Variants in UTP15 observed in about 807,000 individuals in gnomAD.
UTP15 encodes the protein U3 small nucleolar RNA-associated protein 15 homolog.
A neutral mutation model predicts 59.1 loss-of-function variants in UTP15; 5 were observed. The ratio of observed to expected loss-of-function variants is 0.08; its 90% CI spans 0.04 to 0.18. The LOEUF is 0.18. Ranked by LOEUF, UTP15 falls within the 10% of genes least tolerant of loss-of-function variation. The probability of loss-of-function intolerance (pLI) is 1.00; values close to 1 mark genes in which losing one functional copy is unlikely to be tolerated. For synonymous variants in UTP15, 211 were observed against 212.2 expected, an observed-to-expected ratio of 0.99 and a Z score of 0.05; for missense variants, 494 against 616.7, an observed-to-expected ratio of 0.80 and a Z score of 2.11.
intron 5 of UTP15, 43 bp downstream of exon 5, chr5:73,569,718 G>A: frequency 6.8e-7 from 1 of 1,475,570 alleles, no homozygotes; most frequent in Non-Finnish European, 9.0e-7. Context: ...AATCTCACGG[G>A]GATGTACTTT....
At chr5:73,567,701 C>A (rs1747820739) in intron 2 of UTP15, 1 of 258,630 alleles carries the variant, frequency 3.9e-6, no homozygotes, top group African/African-American at 2.2e-5. Context: ...AAATTTGAAT[C>A]TCATATGTGT....
At position 73,571,838 on chromosome 5, in the gene UTP15, T is replaced by C. The variant is rs138819000; in HGVS notation, c.674-651T>C. Among the ~76,000 whole-genome samples the C allele has an allele frequency of 1.2e-3, 188 of 152,336 alleles. 1 individual carries two copies. The highest frequency in any genetic ancestry group is 4.5e-3 in the African/African-American group (186 of 41,572). ...GTGTCTACTTTTCTTGCTGTTATTC[T>C]GACAAATGGAAAAAATATCATGTTG... On this transcript the variant is annotated intron_variant, in intron 6 of 12. Transcript: ENST00000296792.
chr5:73,576,446 C>T lies in UTP15; in HGVS notation c.810-506C>T, dbSNP rs143531370. Among the ~76,000 whole-genome samples, 660 of 149,610 alleles carry T rather than the reference C, an allele frequency of 4.4e-3. 3 individuals are homozygous for T. The highest frequency in any genetic ancestry group is 7.8e-3 in the Non-Finnish European group (525 of 67,584). On this transcript the variant is annotated intron_variant, in intron 7 of 12. Transcript: ENST00000296792. ...TAAGTGGCTAGTCAAAGTTTTTATA[C>T]GGATGTTATAGTTAGGGCTGGTATA... is the stretch of plus-strand genomic sequence containing the variant.
chr5:73,581,421 A>G lies in UTP15; in HGVS notation c.*1327A>G, dbSNP rs1041874309. On this transcript the variant is annotated 3_prime_UTR_variant, in exon 13 of 13. Coordinates refer to ENST00000296792, the MANE Select transcript of UTP15 (RefSeq NM_032175.4). ...TTTTTGATGTATCTGTTCCTGATAG[A>G]TAATCATTGGCTAGTAACTCCTAGT... 6.6e-6 allele frequency: 1 copy of G among 152,146 alleles called. No individual in the cohort carries two copies. 9.4% of individuals were successfully genotyped at this position (152,146 alleles called of 1,614,324 possible). A position where few individuals can be genotyped will look rare whatever the true frequency, so the allele number is the denominator to read the frequency against.
chr5:73,580,028 G>T lies in UTP15; in HGVS notation c.1491G>T (p.Lys497Asn), dbSNP rs1433734903. ...TGCTTTTTGCCACCATGAGAAGGAA[G>T]GAAGGCACTTCTGTGTTGGAACACA... ...MDMLFATMRR[K>N]EGTSVLEHTS... The change falls in exon 13 of 13, where the codon AAG becomes AAT. Residue 497 changes from lysine to asparagine, a missense_variant. Coordinates refer to ENST00000296792, the MANE Select transcript of UTP15 (RefSeq NM_032175.4). 6.2e-7 allele frequency: 1 copy of T among 1,613,872 alleles called. No individual in the cohort carries two copies. The highest frequency in any genetic ancestry group is 1.1e-5 in the South Asian group (1 of 91,068).
chr5:73,577,989 A>C lies in UTP15; in HGVS notation c.1028A>C (p.Asn343Thr). Reference sequence around the variant, plus strand: ...TATCGAACCTTTATTAAAGGAAAAAATTACATGAAGCAACGGGTATTTGTG... The same window carrying C: ...TATCGAACCTTTATTAAAGGAAAAACTTACATGAAGCAACGGGTATTTGTG... ...PAYRTFIKGKNYMKQRDDILI... is the reference protein window; with the variant it reads ...PAYRTFIKGKTYMKQRDDILI... The change falls in exon 9 of 13, where the codon AAT (asparagine) becomes ACT (threonine). Residue 343 changes from asparagine (N) to threonine (T), a missense_variant. Coordinates refer to ENST00000296792, the MANE Select transcript of UTP15 (RefSeq NM_032175.4). 6.3e-7 allele frequency: 1 copy of C among 1,581,304 alleles called. No individual in the cohort carries two copies. The highest frequency in any genetic ancestry group is 8.5e-7 in the Non-Finnish European group (1 of 1,171,060).
At chr5:73,578,415 T>G (rs1748164530) in intron 9 of UTP15, 2 of 283,914 alleles carry the variant, frequency 7.0e-6, no homozygotes, top group South Asian at 4.8e-5. Context: ...TATCTCTGAT[T>G]GTTGTTTGAT....
At position 73,570,686 on chromosome 5, in the gene UTP15, C is replaced by T. The variant is rs547966774; in HGVS notation, c.648C>T (p.Pro216=). 4 of 1,614,186 alleles carry T rather than the reference C, an allele frequency of 2.5e-6. No individual in the cohort carries two copies. The African/African-American group carries it at 5.3e-5, about 22-fold the overall frequency. The change falls in exon 6 of 13, where the codon CCC becomes CCT. Residue 216 remains proline (P), a synonymous_variant. Transcript: ENST00000296792. ...GQPVESVLLF[P]SGGLLVSAGG... is the part of the protein sequence containing the mutation. ...CAGTGGAGAGTGTCCTACTTTTCCC[C>T]TCTGGAGGTCTTCTGGTGTCAGCAG...
intron 5 of UTP15, among the ~76,000 whole-genome samples, chr5:73,570,074 CACCT>C (rs775824830): frequency 3.5e-4 from 53 of 152,296 alleles, no homozygotes; most frequent in Non-Finnish European, 5.9e-4. Context: ...TCAAGTGATC[CACCT>C]ACCTCAATTT....
chr5:73,579,728 T>C (rs1413419476), intron 12 of UTP15, 149 bp from the exon 13 acceptor site: 9 of 488,676 alleles, frequency 1.8e-5, no homozygotes, highest in African/African-American at 4.0e-5. Flanking sequence ...ATTGTTATAC[T>C]TTCTATAAAT....
rs372847214 is a variant in UTP15 at position 73,579,074 on chromosome 5, C to G, written c.1204C>G (p.Arg402Gly). ...ITVSIIKELN[R>G]RGVLANALAG... Reference sequence around the variant, plus strand: ...GGTGTCCATCATAAAGGAGTTAAATCGAAGAGGAGTCCTTGCAAATGCGCT... The same window carrying G: ...GGTGTCCATCATAAAGGAGTTAAATGGAAGAGGAGTCCTTGCAAATGCGCT... Residue 402 changes from arginine to glycine, a missense_variant, in exon 11 of 13, where the codon CGA becomes GGA. Coordinates refer to ENST00000296792, the MANE Select transcript of UTP15 (RefSeq NM_032175.4). 1 of 1,613,746 alleles carries G rather than the reference C, an allele frequency of 6.2e-7. No individual in the cohort carries two copies. The highest frequency in any genetic ancestry group is 1.1e-5 in the South Asian group (1 of 91,078).
In UTP15 at chr5:73,582,551, A is replaced by T. The variant is rs1460011368; in HGVS notation, c.*2457A>T. ...AGGGATGAGCCACCATGCCCAGCTA[A>T]TTTTTTATTTTGATTTTTTGAGATA... On this transcript the variant is annotated 3_prime_UTR_variant, in exon 13 of 13. Coordinates refer to ENST00000296792, the MANE Select transcript of UTP15 (RefSeq NM_032175.4). 2.0e-5 allele frequency: 3 copies of T among 152,000 alleles called. No individual in the cohort carries two copies. The East Asian group carries it at 5.8e-4, about 29-fold the overall frequency. 9.4% of individuals were successfully genotyped at this position (152,000 alleles called of 1,614,324 possible). A position where few individuals can be genotyped will look rare whatever the true frequency, so the allele number is the denominator to read the frequency against.
chr5:73,575,347 G>T (rs1190684422), intron 7 of UTP15, among the ~76,000 whole-genome samples: 1 of 152,112 alleles, frequency 6.6e-6, no homozygotes, highest in Non-Finnish European at 1.5e-5. Context: ...GTTCCTCAAG[G>T]AACGTTTGAC....
In UTP15 at chr5:73,570,671, T is replaced by C; in HGVS notation, c.633T>C (p.Ser211=). 1 of 1,614,108 alleles carries C rather than the reference T, an allele frequency of 6.2e-7. No homozygotes were observed. The change falls in exon 6 of 13, where the codon AGT becomes AGC. Residue 211 remains serine, a synonymous_variant. Coordinates refer to ENST00000296792, the MANE Select transcript of UTP15 (RefSeq NM_032175.4). ...LSVEHGQPVE[S]VLLFPSGGLL... is the part of the protein sequence containing the mutation. ...TTGAGCATGGGCAGCCAGTGGAGAG[T>C]GTCCTACTTTTCCCCTCTGGAGGTC...
chr5:73,574,849 C>T (rs1580392540), intron 7 of UTP15, among the ~76,000 whole-genome samples: 1 of 152,002 alleles, frequency 6.6e-6, no homozygotes, highest in East Asian at 1.9e-4. Context: ...TTATGAAAAA[C>T]TTTAGTTTTC....
chr5:73,578,477 G>A (rs956056856), intron 9 of UTP15: 28 of 363,782 alleles, frequency 7.7e-5, no homozygotes, highest in Non-Finnish European at 2.0e-5. Context: ...ATTGAAATGA[G>A]TAATTTTTAC....
Position 73,580,325 on chromosome 5 carries a change from T to C in UTP15, c.*231T>C, listed in dbSNP as rs537524477. On this transcript the variant is annotated 3_prime_UTR_variant, in exon 13 of 13. Transcript: ENST00000296792. The stretch of plus-strand genomic sequence containing the variant: ...CTTCACCTAGAAGATCTCAATTGTC[T>C]TAGTCACAGAGTAGGTTTATCTGGG... The C allele has an allele frequency of 7.2e-5, 29 of 400,524 alleles. No individual in the cohort carries two copies. Among genetic ancestry groups the C allele is most frequent in the African/African-American group, 5.7e-4 (28 of 48,720 alleles). The allele number at this position is 400,524 out of a possible 1,614,324, so 24.8% of individuals were successfully genotyped here.
At chr5:73,568,172 T>G in intron 2 of UTP15, 63 bp from the exon 3 acceptor site, 2 of 1,189,816 alleles carry the variant, frequency 1.7e-6, no homozygotes, top group Non-Finnish European at 2.4e-6. Flanking sequence ...TAAGAAATTA[T>G]GTAATGCATA....
intron 7 of UTP15, among the ~76,000 whole-genome samples, 169 bp from the exon 8 acceptor site, chr5:73,576,783 T>C (rs911334100): frequency 1.3e-5 from 2 of 152,222 alleles, no homozygotes; most frequent in African/African-American, 4.8e-5. Flanking sequence ...TACAGCTCAT[T>C]TTTTAAGGGA....
Sources: allele counts gnomAD v4.1 joint callset (sites outside exome capture counted in the v4.1 genomes callset), GRCh38; gene constraint gnomAD v4.1.1; transcripts MANE v1.5; gene names NCBI Gene and HGNC (gene_info 2026-07-23, HGNC 2026-07-21).